Variants in OGT observed in about 807,000 individuals in gnomAD.
The protein encoded by OGT is UDP-N-acetylglucosamine--peptide N-acetylglucosaminyltransferase 110 kDa subunit.
Under a neutral mutation model 75.8 loss-of-function variants are expected in OGT, and 3 were observed. That is an observed-to-expected ratio of 0.04 (90% CI 0.02 to 0.10). OGT has a LOEUF of 0.10. Ranked by LOEUF, OGT falls within the 10% of genes least tolerant of loss-of-function variation. The pLI is 1.00. For synonymous variants in OGT, 257 were observed against 289.7 expected, an observed-to-expected ratio of 0.89 and a Z score of 1.15; for missense variants, 260 against 824.4, an observed-to-expected ratio of 0.32 and a Z score of 8.38.
chrX:71,539,627 G>A (rs1241546786), intron 3 of OGT, among the ~76,000 whole-genome samples: 1 of 112,345 alleles, frequency 8.9e-6, no homozygotes, highest in Non-Finnish European at 1.9e-5. Context: ...GTGACTTTTT[G>A]TAAGTTTTAT....
chrX:71,548,145 AGTATGT>A lies in OGT; in HGVS notation c.648+124_648+129del, dbSNP rs1480795636. The A allele has an allele frequency of 1.6e-5, 11 of 673,845 alleles. No individual in the cohort carries two copies. The African/African-American group carries it at 2.0e-4, about 12-fold the overall frequency. 55.5% of individuals were successfully genotyped at this position (673,845 alleles called of 1,213,427 possible). On this transcript the variant is annotated intron_variant, in intron 5 of 21. Coordinates refer to ENST00000373719, the MANE Select transcript of OGT (RefSeq NM_181672.3). ...TCTTTGTTTCTCTGGCGGTATAGGCAGTATGTGACTTACAGAGAACAATGATTTGAC... is the reference window on the plus strand; with the variant it reads ...TCTTTGTTTCTCTGGCGGTATAGGCAGACTTACAGAGAACAATGATTTGAC...
intron 5 of OGT, among the ~76,000 whole-genome samples, chrX:71,548,478 C>T (rs1208713846): frequency 9.0e-6 from 1 of 111,303 alleles, no homozygotes; most frequent in African/African-American, 3.3e-5. Flanking sequence ...CACATGCATG[C>T]GTATGTTCAT....
At chrX:71,567,245 G>A (rs981913516) in intron 19 of OGT, among the ~76,000 whole-genome samples, 3 of 112,484 alleles carry the variant, frequency 2.7e-5, no homozygotes, top group African/African-American at 9.7e-5. Flanking sequence ...CCCACTGCCT[G>A]TGTCAATTCC....
chrX:71,568,847 A>AAAAC (rs1189812204), intron 21 of OGT, among the ~76,000 whole-genome samples: 2 of 104,799 alleles, frequency 1.9e-5, no homozygotes, highest in Non-Finnish European at 2.0e-5. Context: ...AACAAAAACA[A>AAAAC]AAACAAACAA....
intron 1 of OGT, among the ~76,000 whole-genome samples, chrX:71,535,959 GGAAA>G (rs1292327296): frequency 1.8e-5 from 2 of 111,710 alleles, no homozygotes; most frequent in Admixed American, 1.9e-4. Flanking sequence ...TTCTAGTTTG[GGAAA>G]GAAAGTATTA....
Position 71,567,482 on chromosome X carries a change from T to C in OGT, c.2590-18T>C. On this transcript the variant is annotated intron_variant, in intron 19 of 21. Transcript: ENST00000373719. ...GCAGATCTGCTATTAATAATTATTC[T>C]TATTTTCCCTATTTTAGATTCTGAA... The C allele has an allele frequency of 9.0e-7, 1 of 1,114,205 alleles. No homozygotes were observed. The highest frequency in any genetic ancestry group is 1.2e-6 in the Non-Finnish European group (1 of 841,379). The allele number at this position is 1,114,205 out of a possible 1,213,427, so 91.8% of individuals were successfully genotyped here.
At chrX:71,546,842 G>A in intron 4 of OGT, 1 of 754,950 alleles carries the variant, frequency 1.3e-6, no homozygotes, top group Non-Finnish European at 1.6e-6. Flanking sequence ...ATGAACCCCT[G>A]TGAACGGTTG....
chrX:71,563,348 G>C lies in OGT; in HGVS notation c.2285G>C (p.Gly762Ala). 8.3e-7 allele frequency: 1 copy of C among 1,208,593 alleles called. No individual in the cohort carries two copies. ...TTTCAGATGAAGTGTCCTGATGGAG[G>C]AGACAATGCAGATAGCAGTAACACA... Reference protein sequence around the residue: ...KIVKMKCPDGGDNADSSNTAL... With the variant: ...KIVKMKCPDGADNADSSNTAL... Residue 762 changes from glycine (G) to alanine (A), a missense_variant, in exon 18 of 22, where the codon GGA becomes GCA. Around this residue, in one of 6 missense-constraint regions of OGT, gnomAD observed 79 missense variants for 141.0 expected, o/e 0.56. Coordinates refer to ENST00000373719, the MANE Select transcript of OGT (RefSeq NM_181672.3).
At chrX:71,555,887 T>C in intron 7 of OGT, 67 bp from the exon 8 acceptor site, 4 of 1,125,193 alleles carry the variant, frequency 3.6e-6, no homozygotes, top group Non-Finnish European at 4.8e-6. Flanking sequence ...TAAACAATTA[T>C]TAGAACAGTA....
Position 71,556,010 on chromosome X carries a change from A to G in OGT, c.981A>G (p.Ala327=). The change falls in exon 8 of 22, where the codon GCA becomes GCG. Residue 327 remains alanine, a synonymous_variant. Coordinates refer to ENST00000373719, the MANE Select transcript of OGT (RefSeq NM_181672.3). ...CTCTCCGTCTGTGTCCCACCCATGCAGACTCTCTGAATAACCTAGCCAATA... is the reference window on the plus strand; with the variant it reads ...CTCTCCGTCTGTGTCCCACCCATGCGGACTCTCTGAATAACCTAGCCAATA... ...NTALRLCPTH[A]DSLNNLANIK... The G allele has an allele frequency of 8.3e-7, 1 of 1,211,295 alleles. No individual in the cohort carries two copies. Among genetic ancestry groups the G allele is most frequent in the Non-Finnish European group, 1.1e-6 (1 of 894,934 alleles).
chrX:71,534,332 C>T (rs1259682490), intron 1 of OGT: 2 of 111,128 alleles, frequency 1.8e-5, no homozygotes, highest in Middle Eastern at 4.6e-3. Context: ...TGCACAAGTA[C>T]AAGGCGGTTG....
Position 71,557,664 on chromosome X carries a change from T to G in OGT, c.1594T>G (p.Leu532Val). Residue 532 changes from leucine (L) to valine (V), a missense_variant, in exon 12 of 22, where the codon TTA becomes GTA. By Grantham distance (32) the Leu-to-Val change is conservative. Coordinates refer to ENST00000373719, the MANE Select transcript of OGT (RefSeq NM_181672.3). ...AIAERHGNLCLDKINVLHKPP... is the reference protein window; with the variant it reads ...AIAERHGNLCVDKINVLHKPP... ...TGCTGAGAGGCACGGCAACCTGTGC[T>G]TAGATAAGGTGTGATTCTTTTGTTT... 8.4e-7 allele frequency: 1 copy of G among 1,189,523 alleles called. No homozygotes were observed. Among genetic ancestry groups the G allele is most frequent in the Non-Finnish European group, 1.1e-6 (1 of 883,719 alleles).
rs781596045 is a variant in OGT at position 71,574,524 on chromosome X, TC to T, written c.*731del. The T allele has an allele frequency of 9.0e-6, 1 of 111,669 alleles. No homozygotes were observed. Among genetic ancestry groups the T allele is most frequent in the East Asian group, 2.8e-4 (1 of 3,574 alleles). 9.2% of individuals were successfully genotyped at this position (111,669 alleles called of 1,213,427 possible). A position where few individuals can be genotyped will look rare whatever the true frequency, so the allele number is the denominator to read the frequency against. ...CTCAACTAACAAAATCAAGCCTGAT[TC>T]AAAACATCCTAGGGTGTTTTAAACA... On this transcript the variant is annotated 3_prime_UTR_variant, in exon 22 of 22. Coordinates refer to ENST00000373719, the MANE Select transcript of OGT (RefSeq NM_181672.3).
At chrX:71,570,996 G>C (rs1379787669) in intron 21 of OGT, among the ~76,000 whole-genome samples, 3 of 106,350 alleles carry the variant, frequency 2.8e-5, no homozygotes, top group Non-Finnish European at 3.9e-5. Context: ...TGGAGACAGG[G>C]TCTCACCAAT....
rs1210867833 is a variant in OGT at position 71,557,744 on chromosome X, C to G, written c.1602+72C>G. 3 of 951,941 alleles carry G rather than the reference C, an allele frequency of 3.2e-6. No homozygotes were observed. In the East Asian group the frequency reaches 9.6e-5, roughly 30 times the overall value. The allele number at this position is 951,941 out of a possible 1,213,427, so 78.5% of individuals were successfully genotyped here. ...ATACAGAAAACTGTAAAAATCAAATCTGTGGCTTAATGAACGATTATAAAG... is the reference window on the plus strand; with the variant it reads ...ATACAGAAAACTGTAAAAATCAAATGTGTGGCTTAATGAACGATTATAAAG... On this transcript the variant is annotated intron_variant, in intron 12 of 21. Coordinates refer to ENST00000373719, the MANE Select transcript of OGT (RefSeq NM_181672.3).
At chrX:71,563,624 G>A in intron 18 of OGT, 125 bp downstream of exon 18, 1 of 521,382 alleles carries the variant, frequency 1.9e-6, no homozygotes, top group South Asian at 4.1e-5. Context: ...AATGAGTTTA[G>A]TGGAAACGTG....
intron 15 of OGT, 83 bp downstream of exon 15, chrX:71,561,983 C>T: frequency 1.0e-6 from 1 of 964,595 alleles, no homozygotes; most frequent in Admixed American, 3.2e-5. Flanking sequence ...CTCTGGTTAA[C>T]TGATATTTGA....
chrX:71,548,493 T>G (rs905123782), intron 5 of OGT, among the ~76,000 whole-genome samples: 1 of 111,412 alleles, frequency 9.0e-6, no homozygotes, highest in Non-Finnish European at 1.9e-5. Context: ...GTTCATCACT[T>G]CACAATAGCA....
chrX:71,557,798 CTT>C (rs1363887961), intron 12 of OGT, 126 bp downstream of exon 12: 1 of 557,127 alleles, frequency 1.8e-6, no homozygotes, highest in Non-Finnish European at 2.7e-6. Context: ...AGAAATAAAA[CTT>C]TTGTGGGCCA....
Sources: allele counts gnomAD v4.1 joint callset (sites outside exome capture counted in the v4.1 genomes callset), GRCh38; gene constraint gnomAD v4.1.1; regional missense constraint gnomAD v4.1.1; transcripts MANE v1.5; gene names NCBI Gene and HGNC (gene_info 2026-07-23, HGNC 2026-07-21).